KLF12: variants seen among roughly 807,000 people sequenced by gnomAD.
KLF12 encodes KLF transcription factor 12.
A neutral mutation model predicts 37.8 loss-of-function variants in KLF12; 9 were observed. The observed-to-expected ratio is 0.24, with a 90% CI of 0.14 to 0.42. The LOEUF is 0.42. Among genes scored for constraint, KLF12 ranks in the 10% least tolerant of loss-of-function variants. The pLI is 1.00. For missense variants in KLF12, 411 were observed against 516.0 expected, an observed-to-expected ratio of 0.80 and a Z score of 1.97; for synonymous variants, 208 against 202.1, an observed-to-expected ratio of 1.03 and a Z score of -0.25.
chr13:74,012,735 A>G (rs1173581596), intron 1 of KLF12, among the ~76,000 whole-genome samples: 1 of 152,220 alleles, frequency 6.6e-6, no homozygotes, highest in African/African-American at 2.4e-5. Flanking sequence ...AACAGGTAAA[A>G]GTGCTGAAAG....
At chr13:73,987,006 C>T (rs78784794) in intron 2 of KLF12, among the ~76,000 whole-genome samples, 10,925 of 152,116 alleles carry the variant, frequency 0.072, 516 homozygotes, top group Non-Finnish European at 0.1. Context: ...AATTAAAAGC[C>T]TTTAATAAAA....
At chr13:74,071,617 C>T (rs547490495) in intron 1 of KLF12, among the ~76,000 whole-genome samples, 24 of 152,188 alleles carry the variant, frequency 1.6e-4, no homozygotes, top group Non-Finnish European at 2.6e-4. Flanking sequence ...GGCGTGAACT[C>T]GGGAGGCGGA....
In KLF12 at chr13:74,082,120, G is replaced by A. The variant is rs933653933; in HGVS notation, c.-32+51619C>T. Among the ~76,000 whole-genome samples, 4 of 133,090 alleles carry A rather than the reference G, an allele frequency of 3.0e-5. No homozygotes were observed. The East Asian group carries it at 1.1e-3, about 35-fold the overall frequency. 87.3% of individuals were successfully genotyped at this position (133,090 alleles called of 152,430 possible). A position where few individuals can be genotyped will look rare whatever the true frequency, so the allele number is the denominator to read the frequency against. ...AGGCAGGAGGACTGCTCGAGCCCAG[G>A]AATTCAAGACAAAACTGGGCAACAT... On this transcript the variant is annotated intron_variant, in intron 1 of 7. Coordinates refer to ENST00000377669, the MANE Select transcript of KLF12 (RefSeq NM_007249.5).
chr13:73,793,305 T>C (rs1566371670), intron 5 of KLF12, among the ~76,000 whole-genome samples: 1 of 152,328 alleles, frequency 6.6e-6, no homozygotes, highest in East Asian at 1.9e-4. Flanking sequence ...GACACAGTTA[T>C]AGGCTCCAAG....
chr13:74,145,141 C>G, the KLF12 span, among the ~76,000 whole-genome samples: 10 of 152,212 alleles, frequency 6.6e-5, no homozygotes, highest in East Asian at 1.9e-3. Flanking sequence ...TTTCTTGGTA[C>G]TGTCCTGCTG....
At chr13:74,235,650 A>G in the KLF12 span, among the ~76,000 whole-genome samples, 2 of 152,192 alleles carry the variant, frequency 1.3e-5, no homozygotes, top group East Asian at 3.8e-4. Context: ...TTCTATTTAC[A>G]CTTGCTTTTT....
chr13:74,208,544 A>G, the KLF12 span, among the ~76,000 whole-genome samples: 1 of 152,194 alleles, frequency 6.6e-6, no homozygotes, highest in Non-Finnish European at 1.5e-5. Context: ...TTTTATTGAA[A>G]GACAGAGTGA....
intron 3 of KLF12, among the ~76,000 whole-genome samples, chr13:73,935,296 G>T (rs1395028344): frequency 2.0e-5 from 3 of 152,016 alleles, no homozygotes; most frequent in African/African-American, 7.2e-5. Flanking sequence ...GCCTACTTTG[G>T]ATAGTTTTTA....
At chr13:73,881,252 G>A (rs1886966772) in intron 3 of KLF12, among the ~76,000 whole-genome samples, 1 of 151,964 alleles carries the variant, frequency 6.6e-6, no homozygotes, top group Non-Finnish European at 1.5e-5. Flanking sequence ...AATCATTAAA[G>A]CCTATTTTTC....
intron 5 of KLF12, among the ~76,000 whole-genome samples, chr13:73,781,296 G>A (rs1307135155): frequency 6.6e-6 from 1 of 152,186 alleles, no homozygotes; most frequent in Non-Finnish European, 1.5e-5. Context: ...CCAAAAATTT[G>A]TGTGGCTTGC....
chr13:73,703,055 A>C (rs920548929), intron 7 of KLF12, among the ~76,000 whole-genome samples: 1 of 152,156 alleles, frequency 6.6e-6, no homozygotes, highest in Admixed American at 6.5e-5. Context: ...TTAGTCACCT[A>C]TATGAGATTG....
chr13:74,197,759 C>T, the KLF12 span, among the ~76,000 whole-genome samples: 1 of 151,968 alleles, frequency 6.6e-6, no homozygotes, highest in Non-Finnish European at 1.5e-5. Context: ...TTTTTATCAC[C>T]CAGATGTGCA....
chr13:73,706,786 C>T (rs898130713), intron 7 of KLF12, among the ~76,000 whole-genome samples: 1 of 152,180 alleles, frequency 6.6e-6, no homozygotes, highest in African/African-American at 2.4e-5. Flanking sequence ...CTGTCTCTCC[C>T]ACCAGATTTA....
intron 2 of KLF12, among the ~76,000 whole-genome samples, chr13:73,975,853 T>C (rs1160165557): frequency 2.6e-5 from 4 of 152,200 alleles, no homozygotes; most frequent in Non-Finnish European, 5.9e-5. Flanking sequence ...TTAAGTTTCC[T>C]TTGCACTGAA....
At chr13:73,921,146 TC>T (rs1438103040) in intron 3 of KLF12, among the ~76,000 whole-genome samples, 1 of 151,940 alleles carries the variant, frequency 6.6e-6, no homozygotes, top group Non-Finnish European at 1.5e-5. Context: ...ATTGCCTACA[TC>T]CCCCCACTTC....
chr13:74,090,503 A>G (rs1398376963), intron 1 of KLF12, among the ~76,000 whole-genome samples: 1 of 152,190 alleles, frequency 6.6e-6, no homozygotes, highest in African/African-American at 2.4e-5. Flanking sequence ...TGACTTCTCT[A>G]TCAAAATCGA....
intron 7 of KLF12, among the ~76,000 whole-genome samples, chr13:73,707,028 G>A (rs918157215): frequency 8.5e-5 from 13 of 152,112 alleles, no homozygotes; most frequent in Admixed American, 2.0e-4. Flanking sequence ...TTACTTTACC[G>A]TCCCTGAAGG....
At chr13:74,154,980 G>A in the KLF12 span, among the ~76,000 whole-genome samples, 1 of 152,276 alleles carries the variant, frequency 6.6e-6, no homozygotes, top group East Asian at 1.9e-4. Context: ...ATGAGAAGGG[G>A]ATTTATTTCT....
chr13:73,888,553 A>G (rs1294991331), intron 3 of KLF12, among the ~76,000 whole-genome samples: 1 of 152,146 alleles, frequency 6.6e-6, no homozygotes, highest in East Asian at 1.9e-4. Flanking sequence ...TTCATCTTTC[A>G]TCTGTGTTAG....
Sources: allele counts gnomAD v4.1 joint callset (sites outside exome capture counted in the v4.1 genomes callset), GRCh38; gene constraint gnomAD v4.1.1; transcripts MANE v1.5; gene names NCBI Gene and HGNC (gene_info 2026-07-23, HGNC 2026-07-21).